The following GRM5 variants were observed in gnomAD, a reference collection of about 807,000 sequenced individuals.
The protein encoded by GRM5 is glutamate metabotropic receptor 5, also known as metabotropic glutamate receptor 5.
In GRM5, 19 loss-of-function variants were observed where a neutral mutation model predicts 83.1. The ratio of observed to expected loss-of-function variants is 0.23; its 90% CI spans 0.16 to 0.34. GRM5 has a LOEUF of 0.34. GRM5 is among the 10% of genes least tolerant of loss of function. The probability of loss-of-function intolerance (pLI) is 1.00; values close to 1 mark genes in which losing one functional copy is unlikely to be tolerated. For missense variants in GRM5, 1,160 were observed against 1,588.3 expected (o/e 0.73, Z 4.58); for synonymous variants, 675 against 633.6 (o/e 1.07, Z -0.98).
intron 3 of GRM5, among the ~76,000 whole-genome samples, chr11:88,802,450 A>G (rs935011580): frequency 6.6e-6 from 1 of 150,696 alleles, no homozygotes; most frequent in African/African-American, 2.5e-5. Flanking sequence ...CAGAAAGTCA[A>G]TAGATGCAGA....
chr11:88,531,659 C>T (rs913923599), intron 8 of GRM5, among the ~76,000 whole-genome samples: 22 of 151,974 alleles, frequency 1.4e-4, no homozygotes, highest in Non-Finnish European at 1.5e-5. Context: ...GAGAAAGAGC[C>T]TAAGTTTCCT....
At chr11:88,999,916 T>C (rs755185070) in intron 2 of GRM5, among the ~76,000 whole-genome samples, 3 of 152,180 alleles carry the variant, frequency 2.0e-5, no homozygotes, top group African/African-American at 4.8e-5. Context: ...CCATAAAAAA[T>C]GATGAGTTCA....
In GRM5 at chr11:88,508,855, C is replaced by T. The variant is rs1274525406; in HGVS notation, c.3376G>A (p.Gly1126Ser). 1.3e-6 allele frequency: 2 copies of T among 1,570,392 alleles called. No individual in the cohort carries two copies. The highest frequency in any genetic ancestry group is 2.4e-5 in the East Asian group (1 of 41,696). ...QPLPAIEVTG[G>S]AQPAAGAQAA... ...TGCGCCCCTGCCGCGGGCTGCGCGC[C>T]TCCCGTGACTTCGATGGCCGGCAGA... The change falls in exon 10 of 10, where the codon GGC becomes AGC. Residue 1126 changes from glycine to serine, a missense_variant. Transcript: ENST00000305447. The surrounding 1 kb of genome is among the most constrained non-coding windows in gnomAD (Gnocchi z 4.2).
At chr11:88,797,884 C>T (rs1943312289) in intron 3 of GRM5, among the ~76,000 whole-genome samples, 1 of 151,200 alleles carries the variant, frequency 6.6e-6, no homozygotes, top group South Asian at 2.1e-4. Flanking sequence ...TGCCTCACCT[C>T]CCTTTATATT....
chr11:88,674,731 G>A (rs1379879185), intron 3 of GRM5, among the ~76,000 whole-genome samples: 1 of 151,798 alleles, frequency 6.6e-6, no homozygotes, highest in Non-Finnish European at 1.5e-5. Flanking sequence ...TCCCTTGACT[G>A]TCTCAGTGAT....
chr11:88,845,725 G>GCCCCAC (rs1944293827), intron 3 of GRM5, among the ~76,000 whole-genome samples: 6 of 147,338 alleles, frequency 4.1e-5, no homozygotes, highest in African/African-American at 1.6e-4. Flanking sequence ...GAACCACCGC[G>GCCCCAC]CCCCCCCCCA....
rs72639190 is a variant in GRM5 at position 88,658,156 on chromosome 11, C to T, written c.912-4753G>A. ...ATTCTCATAGGATGGTGAATCCTATCGTGAACTGTACACGTGAGGGAGCTA... is the reference window on the plus strand; with the variant it reads ...ATTCTCATAGGATGGTGAATCCTATTGTGAACTGTACACGTGAGGGAGCTA... On this transcript the variant is annotated intron_variant, in intron 3 of 9. Coordinates refer to ENST00000305447, the MANE Select transcript of GRM5 (RefSeq NM_001143831.3). Among the ~76,000 whole-genome samples, 1,577 of 152,158 alleles carry T rather than the reference C, an allele frequency of 0.01. 48 individuals carry two copies. The East Asian group carries it at 0.12, about 11-fold the overall frequency.
intron 3 of GRM5, among the ~76,000 whole-genome samples, chr11:88,848,935 A>G (rs1944343549): frequency 6.6e-6 from 1 of 152,228 alleles, no homozygotes; most frequent in Non-Finnish European, 1.5e-5. Context: ...GCCTGATAGC[A>G]TGAGATGGAC....
chr11:88,911,489 C>A (rs886967410), intron 2 of GRM5, among the ~76,000 whole-genome samples: 1 of 152,124 alleles, frequency 6.6e-6, no homozygotes, highest in Non-Finnish European at 1.5e-5. Flanking sequence ...GACACTTTCC[C>A]TCACTGTTGG....
At chr11:88,601,292 C>T (rs890774504) in intron 5 of GRM5, among the ~76,000 whole-genome samples, 5 of 152,142 alleles carry the variant, frequency 3.3e-5, no homozygotes, top group African/African-American at 1.2e-4. Flanking sequence ...CGTTATCTGC[C>T]ATTTCTACTA....
chr11:88,903,549 T>C (rs1003144985), intron 2 of GRM5, among the ~76,000 whole-genome samples: 20 of 152,258 alleles, frequency 1.3e-4, no homozygotes, highest in East Asian at 9.7e-4. Flanking sequence ...ATATACACAA[T>C]GGAATACTAT....
chr11:88,885,672 T>TA lies in GRM5; in HGVS notation c.662-35518dup, dbSNP rs1333267314. The stretch of plus-strand genomic sequence containing the variant: ...CCAAAGAGGCAATATGCAGTTCTCA[T>TA]AAAAAAAAATCTCCAGTCTCTTTGA... On this transcript the variant is annotated intron_variant, in intron 2 of 9. Coordinates refer to ENST00000305447, the MANE Select transcript of GRM5 (RefSeq NM_001143831.3). 2.9e-3 allele frequency among the ~76,000 whole-genome samples: 441 copies of TA among 151,052 alleles called. 6 individuals are homozygous for TA. The highest frequency in any genetic ancestry group is 6.8e-3 in the Middle Eastern group (2 of 294).
intron 6 of GRM5, among the ~76,000 whole-genome samples, chr11:88,594,679 C>A (rs1183780236): frequency 6.6e-6 from 1 of 152,016 alleles, no homozygotes; most frequent in East Asian, 1.9e-4. Context: ...TCTTTCTGGT[C>A]TTATGCTTTC....
rs1453764326 is a variant in GRM5, at chr11:88,977,868, T to C, written c.661+69344A>G. Among the ~76,000 whole-genome samples the C allele has an allele frequency of 2.0e-5, 3 of 152,228 alleles. No homozygotes were observed. In the South Asian group the frequency reaches 6.2e-4, roughly 32 times the overall value. On this transcript the variant is annotated intron_variant, in intron 2 of 9. Transcript: ENST00000305447. ...TGGCATCACAATGCCCTGGTAAATA[T>C]AGGTAGAGAGAACAATTACTTTCTC...
intron 7 of GRM5, among the ~76,000 whole-genome samples, chr11:88,573,113 C>G (rs185942518): frequency 3.3e-5 from 5 of 152,030 alleles, no homozygotes; most frequent in Non-Finnish European, 5.9e-5. Flanking sequence ...ATACTTGATT[C>G]GTAAGTCTGT....
At chr11:88,860,639 G>A (rs1199790019) in intron 2 of GRM5, among the ~76,000 whole-genome samples, 3 of 152,140 alleles carry the variant, frequency 2.0e-5, no homozygotes, top group African/African-American at 7.2e-5. Context: ...CTGGCCTGCC[G>A]CTACCTTCTC....
intron 2 of GRM5, among the ~76,000 whole-genome samples, chr11:88,990,813 C>A (rs1444471810): frequency 6.6e-6 from 1 of 151,266 alleles, no homozygotes. Context: ...AATTCAACAA[C>A]CCTTCATGCT....
intron 4 of GRM5, among the ~76,000 whole-genome samples, chr11:88,618,955 A>C (rs1199785393): frequency 6.6e-6 from 1 of 152,168 alleles, no homozygotes; most frequent in East Asian, 1.9e-4. Context: ...CAGCATGTAG[A>C]GAGGAAATGG....
At chr11:88,724,261 C>T (rs1499177) in intron 3 of GRM5, among the ~76,000 whole-genome samples, 88,390 of 151,986 alleles carry the variant, frequency 0.58, 27,774 homozygotes, top group South Asian at 0.8. Flanking sequence ...ATCTTCTTTC[C>T]TACCCAATCT....
Sources: gnomAD v4.1 joint callset for allele counts (sites outside exome capture counted in the v4.1 genomes callset) on GRCh38, gnomAD v4.1.1 for gene constraint, Gnocchi (gnomAD v3.1) non-coding constraint, MANE v1.5 for transcripts, NCBI Gene and HGNC (gene_info 2026-07-23, HGNC 2026-07-21) for gene names.